The following RAB33A variants were observed in gnomAD, a reference collection of about 807,000 sequenced individuals.
The protein encoded by RAB33A is RAB33A, member RAS oncogene family, also known as ras-related protein Rab-33A.
RAB33A carries 6 observed loss-of-function variants against 12.0 expected under a neutral mutation model. The ratio of observed to expected loss-of-function variants is 0.50; its 90% CI spans 0.27 to 0.99. The LOEUF (loss-of-function observed/expected upper bound fraction) is 0.99, where lower values mean the gene tolerates loss of function less well. Ranked by LOEUF, RAB33A falls within the 50% of genes least tolerant of loss-of-function variation. The pLI, the probability that RAB33A is intolerant of heterozygous loss-of-function variation, is 0.11. For synonymous variants in RAB33A, 70 were observed against 82.4 expected, an observed-to-expected ratio of 0.85 and a Z score of 0.81; for missense variants, 109 against 192.0, an observed-to-expected ratio of 0.57 and a Z score of 2.55.
chrX:130,170,203 AG>A (rs931637315), upstream of RAB33A, among the ~76,000 whole-genome samples: 1 of 112,798 alleles, frequency 8.9e-6, no homozygotes, highest in African/African-American at 3.2e-5. Context: ...ATTAACTGGA[AG>A]ATGCCATTCT....
At chrX:130,165,584 C>T in the RAB33A span, 1 of 1,200,598 alleles carries the variant, frequency 8.3e-7, no homozygotes, top group Non-Finnish European at 1.1e-6. Flanking sequence ...GGGCTTCGGA[C>T]GCACACGGTC....
chrX:130,182,220 CAT>C (rs1200912472), intron 1 of RAB33A, among the ~76,000 whole-genome samples: 12 of 84,174 alleles, frequency 1.4e-4, no homozygotes, highest in South Asian at 1.1e-3. Flanking sequence ...ATATATATAA[CAT>C]ATATATGTAA....
chrX:130,154,525 G>C, the RAB33A span, among the ~76,000 whole-genome samples: 1 of 112,391 alleles, frequency 8.9e-6, no homozygotes, highest in African/African-American at 3.2e-5. Flanking sequence ...CAATCTACAT[G>C]AATGTGTTAG....
the RAB33A span, chrX:130,138,634 C>G: frequency 8.3e-7 from 1 of 1,210,573 alleles, no homozygotes; most frequent in Non-Finnish European, 1.1e-6. Flanking sequence ...ACCAAGGAAG[C>G]CCCCACCGAT....
upstream of RAB33A, among the ~76,000 whole-genome samples, chrX:130,168,742 A>C (rs750175441): frequency 9.0e-6 from 1 of 111,343 alleles, no homozygotes; most frequent in South Asian, 3.7e-4. Context: ...CTTACCCATT[A>C]AGCAGAGTAG....
chrX:130,180,167 G>A (rs1337678245), intron 1 of RAB33A, among the ~76,000 whole-genome samples: 1 of 111,500 alleles, frequency 9.0e-6, no homozygotes, highest in Non-Finnish European at 1.9e-5. Flanking sequence ...ACCAGGTTGG[G>A]AAGGGTCAAA....
At chrX:130,115,938 G>A in the RAB33A span, among the ~76,000 whole-genome samples, 2 of 110,465 alleles carry the variant, frequency 1.8e-5, no homozygotes, top group Non-Finnish European at 3.8e-5. Context: ...CAAGGCCATG[G>A]GTATCCAAGT....
At chrX:130,179,341 A>G (rs1388752338) in intron 1 of RAB33A, among the ~76,000 whole-genome samples, 2 of 110,223 alleles carry the variant, frequency 1.8e-5, no homozygotes, top group Admixed American at 9.7e-5. Flanking sequence ...CACCTCACAC[A>G]CTCCCACCCG....
the RAB33A span, among the ~76,000 whole-genome samples, chrX:130,112,337 G>C: frequency 8.9e-6 from 1 of 111,895 alleles, no homozygotes; most frequent in South Asian, 3.7e-4. Flanking sequence ...CAAATTTGGG[G>C]TAGGTTCCGG....
At chrX:130,147,053 T>C in the RAB33A span, among the ~76,000 whole-genome samples, 14 of 111,490 alleles carry the variant, frequency 1.3e-4, no homozygotes, top group East Asian at 3.6e-3. Flanking sequence ...TCCCAGCTAC[T>C]TGAGAAGCTG....
chrX:130,184,033 G>C, intron 1 of RAB33A, among the ~76,000 whole-genome samples: 1 of 111,766 alleles, frequency 8.9e-6, no homozygotes, highest in East Asian at 2.8e-4. Context: ...GGGATTACAG[G>C]CATGCACCAC....
the RAB33A span, among the ~76,000 whole-genome samples, chrX:130,131,119 G>A: frequency 1.8e-5 from 2 of 111,499 alleles, no homozygotes; most frequent in Admixed American, 9.6e-5. Flanking sequence ...ATGTGTGGGA[G>A]AGAAGTCCAT....
the RAB33A span, chrX:130,136,781 C>T: frequency 5.9e-5 from 68 of 1,154,846 alleles, no homozygotes; most frequent in Non-Finnish European, 7.0e-5. Context: ...CTATCACTTT[C>T]ATGGGAAGTA....
the RAB33A span, among the ~76,000 whole-genome samples, chrX:130,161,764 C>A: frequency 9.1e-6 from 1 of 109,496 alleles, no homozygotes; most frequent in Non-Finnish European, 1.9e-5. Context: ...TGTGCCACCA[C>A]GCTTGGCTAA....
chrX:130,142,299 A>T, the RAB33A span, among the ~76,000 whole-genome samples: 2 of 111,673 alleles, frequency 1.8e-5, no homozygotes, highest in African/African-American at 6.5e-5. Flanking sequence ...TCTGATGGAT[A>T]AGCAGCTTCT....
At chrX:130,166,511 C>A in the RAB33A span, among the ~76,000 whole-genome samples, 58 of 112,093 alleles carry the variant, frequency 5.2e-4, 1 homozygote, top group Non-Finnish European at 9.0e-4. Context: ...GCAGAACTTT[C>A]AGTTATGGGA....
intron 1 of RAB33A, among the ~76,000 whole-genome samples, chrX:130,177,776 C>T (rs933495169): frequency 1.8e-5 from 2 of 111,304 alleles, no homozygotes; most frequent in African/African-American, 3.3e-5. Context: ...CCGAGATCTG[C>T]ACCCAAGTTG....
the RAB33A span, chrX:130,110,628 CGG>C: frequency 9.1e-6 from 1 of 110,035 alleles, no homozygotes; most frequent in Non-Finnish European, 1.9e-5. Context: ...ACCTCGGCGC[CGG>C]GGCAGGCTGG....
chrX:130,166,247 C>G, the RAB33A span, among the ~76,000 whole-genome samples: 10 of 111,883 alleles, frequency 8.9e-5, no homozygotes, highest in African/African-American at 3.3e-4. Flanking sequence ...CCTGGCTTCC[C>G]AGATCCGGCG....
Sources: gnomAD v4.1 joint callset for allele counts (sites outside exome capture counted in the v4.1 genomes callset) on GRCh38, gnomAD v4.1.1 for gene constraint, MANE v1.5 for transcripts, NCBI Gene and HGNC (gene_info 2026-07-23, HGNC 2026-07-21) for gene names.